Variants in MATR3 observed in about 807,000 individuals in gnomAD.
MATR3 encodes matrin 3, also known as matrin-3.
MATR3 carries 4 observed loss-of-function variants against 85.5 expected under a neutral mutation model. The observed-to-expected ratio is 0.05, with a 90% CI of 0.02 to 0.11. The LOEUF is 0.11. Ranked by LOEUF, MATR3 falls within the 10% of genes least tolerant of loss-of-function variation. The pLI, the probability that MATR3 is intolerant of heterozygous loss-of-function variation, is 1.00. For missense variants in MATR3, 685 were observed against 1,016.1 expected, an observed-to-expected ratio of 0.67 and a Z score of 4.43; for synonymous variants, 336 against 343.1, an observed-to-expected ratio of 0.98 and a Z score of 0.23.
intron 1 of MATR3, among the ~76,000 whole-genome samples, chr5:139,294,262 A>T (rs1436930770): frequency 1.3e-5 from 2 of 152,072 alleles, no homozygotes; most frequent in African/African-American, 2.4e-5. Flanking sequence ...TTTGAGGAGG[A>T]TGGTTAAGAT....
intron 1 of MATR3, among the ~76,000 whole-genome samples, chr5:139,297,597 A>C (rs1231072540): frequency 6.6e-5 from 10 of 152,242 alleles, no homozygotes; most frequent in Admixed American, 5.9e-4. Flanking sequence ...TAAAAGTTAC[A>C]TGATAAAGTG....
chr5:139,306,526 TCTC>T (rs1754714600), intron 1 of MATR3, among the ~76,000 whole-genome samples: 1 of 152,102 alleles, frequency 6.6e-6, no homozygotes, highest in South Asian at 2.1e-4. Flanking sequence ...CAGAGTTAGT[TCTC>T]CTTACTTTAA....
chr5:139,288,378 C>T lies in MATR3; in HGVS notation c.-178+9249C>T, dbSNP rs531297915. 1.3e-3 allele frequency among the ~76,000 whole-genome samples: 197 copies of T among 152,230 alleles called. 3 individuals are homozygous for T. The highest frequency in any genetic ancestry group is 2.5e-3 in the Admixed American group (38 of 15,286). On this transcript the variant is annotated intron_variant, in intron 3 of 16. Coordinates refer to ENST00000509990, the Ensembl canonical transcript of MATR3. ...AAAAGTTTGACTTTCTCTGCACGATCACCAGATGGCATTAGAACCTTATGC... is the reference window on the plus strand; with the variant it reads ...AAAAGTTTGACTTTCTCTGCACGATTACCAGATGGCATTAGAACCTTATGC...
chr5:139,322,851 G>A lies in MATR3; in HGVS notation c.2032G>A (p.Glu678Lys), dbSNP rs1437528769. 3 of 1,614,072 alleles carry A rather than the reference G, an allele frequency of 1.9e-6. No individual in the cohort carries two copies. The highest frequency in any genetic ancestry group is 1.1e-5 in the South Asian group (1 of 91,086). Residue 678 changes from glutamate to lysine, a missense_variant, in exon 12 of 15, where the codon GAG (glutamate) becomes AAG (lysine). Glu to Lys is a moderately conservative substitution (Grantham distance 56). Around this residue, in one of 9 missense-constraint regions of MATR3, gnomAD observed 215 missense variants for 194.7 expected, o/e 1.10. Transcript: ENST00000394805. ...AGAAAGTGGCAGTTCAGTGGGAGAC[G>A]AGACCGATCTTGCTAATTTAGGTGA... ...LLESGSSVGD[E>K]TDLANLGDVA...
chr5:139,308,655 T>C (rs1479717414), intron 2 of MATR3, among the ~76,000 whole-genome samples: 1 of 152,218 alleles, frequency 6.6e-6, no homozygotes, highest in Non-Finnish European at 1.5e-5. Context: ...TTTAAGTATT[T>C]TTTTTGCAGT....
chr5:139,293,821 G>C lies in MATR3; in HGVS notation c.-178+16G>C. The C allele has an allele frequency of 2.4e-6, 1 of 415,452 alleles. No individual in the cohort carries two copies. Among genetic ancestry groups the C allele is most frequent in the East Asian group, 3.6e-5 (1 of 28,076 alleles). 25.7% of individuals were successfully genotyped at this position (415,452 alleles called of 1,614,324 possible). ...TTTCCCTAAGGTAGGCGTGAAGCGG[G>C]TAAGAGTCGGGGTCGGGTGGCTGGG... On this transcript the variant is annotated intron_variant, in intron 1 of 14. Transcript: ENST00000394805.
chr5:139,329,023 G>A (rs1755997690), intron 14 of MATR3, among the ~76,000 whole-genome samples: 1 of 151,846 alleles, frequency 6.6e-6, no homozygotes, highest in Admixed American at 6.6e-5. Flanking sequence ...AAGAATAAAA[G>A]TGCATGTCAT....
At chr5:139,275,424 T>G (rs1753239308) in intron 1 of MATR3, among the ~76,000 whole-genome samples, 1 of 152,090 alleles carries the variant, frequency 6.6e-6, no homozygotes. Context: ...CAGGAAGTAT[T>G]GGAGGCCCTC....
At chr5:139,295,194 C>T (rs902969320) in intron 1 of MATR3, among the ~76,000 whole-genome samples, 3 of 152,202 alleles carry the variant, frequency 2.0e-5, no homozygotes, top group African/African-American at 7.2e-5. Context: ...ACTAATGGCT[C>T]AGTCATCTAC....
In MATR3 at chr5:139,322,881, G is replaced by T; in HGVS notation, c.2062G>T (p.Ala688Ser). 6.2e-7 allele frequency: 1 copy of T among 1,614,036 alleles called. No individual in the cohort carries two copies. Among genetic ancestry groups the T allele is most frequent in the Non-Finnish European group, 8.5e-7 (1 of 1,179,986 alleles). ...ETDLANLGDV[A>S]SDGKKEPSDK... is the part of the protein sequence containing the mutation. Reference sequence around the variant, plus strand: ...CGATCTTGCTAATTTAGGTGATGTGGCTTCTGATGGGAAAAAGGAACCATC... The same window carrying T: ...CGATCTTGCTAATTTAGGTGATGTGTCTTCTGATGGGAAAAAGGAACCATC... The change falls in exon 12 of 15, where the codon GCT becomes TCT. Residue 688 changes from alanine (A) to serine (S), a missense_variant. Ala to Ser is a moderately conservative substitution (Grantham distance 99). Transcript: ENST00000394805.
chr5:139,318,741 AG>A (rs1334596534), intron 7 of MATR3, among the ~76,000 whole-genome samples, 166 bp from the exon 8 acceptor site: 2 of 152,242 alleles, frequency 1.3e-5, no homozygotes, highest in African/African-American at 2.4e-5. Context: ...TACTGGGCCC[AG>A]CCTCTTTTGT....
At chr5:139,294,261 G>T (rs954297124) in intron 1 of MATR3, among the ~76,000 whole-genome samples, 3 of 152,200 alleles carry the variant, frequency 2.0e-5, no homozygotes, top group African/African-American at 4.8e-5. Context: ...GTTTGAGGAG[G>T]ATGGTTAAGA....
chr5:139,330,204 T>G lies in MATR3; in HGVS notation c.*809T>G. ...TCTCTTCATATTTTCAAGATGTAATTTTACATTTCTGCATTTTTAAAACAG... is the reference window on the plus strand; with the variant it reads ...TCTCTTCATATTTTCAAGATGTAATGTTACATTTCTGCATTTTTAAAACAG... On this transcript the variant is annotated 3_prime_UTR_variant, in exon 15 of 15. Coordinates refer to ENST00000394805, the MANE Select transcript of MATR3 (RefSeq NM_018834.6). The G allele has an allele frequency of 2.2e-6, 1 of 454,422 alleles. No individual in the cohort carries two copies. The highest frequency in any genetic ancestry group is 6.9e-4 in the Middle Eastern group (1 of 1,444). 28.1% of individuals were successfully genotyped at this position (454,422 alleles called of 1,614,324 possible).
intron 2 of MATR3, among the ~76,000 whole-genome samples, chr5:139,309,346 A>C (rs1302535563): frequency 6.6e-6 from 1 of 152,170 alleles, no homozygotes; most frequent in Non-Finnish European, 1.5e-5. Flanking sequence ...AGTTGCTGCC[A>C]TGAAATTGAT....
In MATR3 at chr5:139,315,721, T is replaced by C; in HGVS notation, c.999T>C (p.Asn333=). 1 of 1,611,444 alleles carries C rather than the reference T, an allele frequency of 6.2e-7. No individual in the cohort carries two copies. The highest frequency in any genetic ancestry group is 8.5e-7 in the Non-Finnish European group (1 of 1,177,728). The change falls in exon 4 of 15, where the codon AAT becomes AAC. Residue 333 remains asparagine (N), a synonymous_variant. Coordinates refer to ENST00000394805, the MANE Select transcript of MATR3 (RefSeq NM_018834.6). ...LEIYPEWNPD[N]DTGHTMGDPF... is the part of the protein sequence containing the mutation. ...GCTACCCAGAATGGAATCCTGACAA[T>C]GATACAGGACACACAATGTAAGTTA...
At chr5:139,302,991 T>C (rs954562397) in intron 1 of MATR3, among the ~76,000 whole-genome samples, 1 of 152,158 alleles carries the variant, frequency 6.6e-6, no homozygotes, top group Admixed American at 6.5e-5. Flanking sequence ...TCTAGTTTTA[T>C]GGTTAAACCA....
At chr5:139,317,997 A>T (rs1049080136) in intron 7 of MATR3, among the ~76,000 whole-genome samples, 1 of 152,232 alleles carries the variant, frequency 6.6e-6, no homozygotes, top group African/African-American at 2.4e-5. Flanking sequence ...TTTCAGATCT[A>T]TACCAAAATG....
intron 9 of MATR3, among the ~76,000 whole-genome samples, chr5:139,320,448 ATTT>A (rs1436879821): frequency 3.3e-5 from 5 of 151,928 alleles, no homozygotes; most frequent in Admixed American, 6.6e-5. Context: ...ACAAAAAAAA[ATTT>A]TTTTTAACCA....
intron 3 of MATR3, among the ~76,000 whole-genome samples, chr5:139,283,853 C>G (rs371895120): frequency 2.6e-5 from 4 of 152,218 alleles, no homozygotes; most frequent in African/African-American, 9.6e-5. Context: ...CCTTTTGTCA[C>G]TACCTGTCTA....
Sources: gnomAD v4.1 joint callset for allele counts (sites outside exome capture counted in the v4.1 genomes callset) on GRCh38, gnomAD v4.1.1 for gene constraint, gnomAD v4.1.1 regional missense constraint, MANE v1.5 for transcripts, NCBI Gene and HGNC (gene_info 2026-07-23, HGNC 2026-07-21) for gene names.